ADCY3: variants seen among roughly 807,000 people sequenced by gnomAD.
ADCY3 encodes the protein adenylate cyclase 3.
A neutral mutation model predicts 119.4 loss-of-function variants in ADCY3; 70 were observed. That is an observed-to-expected ratio of 0.59 (90% CI 0.48 to 0.72). The LOEUF is 0.72. Ranked by LOEUF, ADCY3 falls within the 30% of genes least tolerant of loss-of-function variation. ADCY3 has a pLI of 0.00. For missense variants in ADCY3, 1,238 were observed against 1,541.6 expected, an observed-to-expected ratio of 0.80 and a Z score of 3.30; for synonymous variants, 672 against 621.4, an observed-to-expected ratio of 1.08 and a Z score of -1.21.
intron 3 of ADCY3, among the ~76,000 whole-genome samples, chr2:24,851,729 C>T (rs1438504998): frequency 6.6e-6 from 1 of 152,180 alleles, no homozygotes; most frequent in African/African-American, 2.4e-5. Context: ...TCCTTCTGCT[C>T]TTAAGGCTTA....
intron 3 of ADCY3, among the ~76,000 whole-genome samples, chr2:24,854,788 G>A (rs187952838): frequency 8.3e-4 from 127 of 152,198 alleles, no homozygotes; most frequent in African/African-American, 2.7e-3. Flanking sequence ...GGTGGATCAC[G>A]CCTGTAATCC....
At chr2:24,839,731 G>T in intron 7 of ADCY3, 142 bp downstream of exon 7, 1 of 1,238,264 alleles carries the variant, frequency 8.1e-7, no homozygotes, top group Non-Finnish European at 1.1e-6. Flanking sequence ...GGACCAGGGC[G>T]AGACAGGAGG....
At chr2:24,894,860 G>T (rs1234986635) in intron 2 of ADCY3, among the ~76,000 whole-genome samples, 1 of 151,930 alleles carries the variant, frequency 6.6e-6, no homozygotes, top group African/African-American at 2.4e-5. Context: ...CTTCATTTTT[G>T]AAGGATATTT....
intron 2 of ADCY3, among the ~76,000 whole-genome samples, chr2:24,880,287 G>A (rs1463010336): frequency 2.0e-5 from 3 of 152,204 alleles, no homozygotes; most frequent in Non-Finnish European, 4.4e-5. Context: ...CTCAGGTTGC[G>A]CACTGCCAGG....
chr2:24,841,439 G>A lies in ADCY3; in HGVS notation c.1069-53C>T. ...CCAGCCCCTCCTCAGTGAGGGAGGA[G>A]TGGCCAAGAAAGCAGAGGAAGGACA... On this transcript the variant is annotated intron_variant, in intron 5 of 21. Transcript: ENST00000679454. The surrounding 1 kb of genome is among the most constrained non-coding windows in gnomAD (Gnocchi z 5.8). 1.2e-6 allele frequency: 2 copies of A among 1,602,278 alleles called. No homozygotes were observed. Among genetic ancestry groups the A allele is most frequent in the Non-Finnish European group, 1.7e-6 (2 of 1,173,654 alleles).
chr2:24,838,904 T>G, intron 7 of ADCY3: 2 of 1,572,868 alleles, frequency 1.3e-6, no homozygotes, highest in Non-Finnish European at 1.7e-6. Flanking sequence ...TTCTTCAATC[T>G]TTGATCCGCT....
intron 2 of ADCY3, among the ~76,000 whole-genome samples, chr2:24,909,818 A>G (rs931445199): frequency 6.6e-6 from 1 of 152,150 alleles, no homozygotes; most frequent in Non-Finnish European, 1.5e-5. Flanking sequence ...CTATCAATTC[A>G]TTCCCTCCCT....
chr2:24,852,958 G>A (rs1382852808), intron 3 of ADCY3, among the ~76,000 whole-genome samples: 2 of 151,618 alleles, frequency 1.3e-5, no homozygotes, highest in Admixed American at 1.3e-4. Context: ...TGAGGTTTGA[G>A]AAGTCTCTCT....
chr2:24,861,345 G>A (rs886365572), intron 3 of ADCY3, among the ~76,000 whole-genome samples: 1 of 151,214 alleles, frequency 6.6e-6, no homozygotes, highest in African/African-American at 2.4e-5. Flanking sequence ...CCCCTTTTTT[G>A]CAGAGGGTAG....
chr2:24,852,052 C>T (rs756005553), intron 3 of ADCY3, among the ~76,000 whole-genome samples: 21 of 152,300 alleles, frequency 1.4e-4, no homozygotes, highest in Non-Finnish European at 1.6e-4. Context: ...GGACCCAGAC[C>T]GAAGCCCTGG....
intron 2 of ADCY3, among the ~76,000 whole-genome samples, chr2:24,906,563 C>G (rs1281882223): frequency 6.6e-6 from 1 of 152,232 alleles, no homozygotes; most frequent in African/African-American, 2.4e-5. Context: ...CAGGGTTGTC[C>G]ACAGTAGAAA....
rs1025520287 is a variant in ADCY3, at chr2:24,834,268, C to T, written c.1967+217G>A. Among the ~76,000 whole-genome samples the T allele has an allele frequency of 1.3e-5, 2 of 152,206 alleles. No individual in the cohort carries two copies. Among genetic ancestry groups the T allele is most frequent in the Admixed American group, 6.5e-5 (1 of 15,282 alleles). On this transcript the variant is annotated intron_variant, in intron 11 of 21. Transcript: ENST00000679454. This position sits in a 1 kb window ranked among gnomAD's most constrained non-coding sequence, Gnocchi z 4.2. ...TCCTGGCCAGATCCCCATTCTGACG[C>T]TAGGACTGCTCCAAAACGCGGGGCA...
Position 24,828,159 on chromosome 2 carries a change from G to A in ADCY3, c.2175C>T (p.Leu725=). The A allele has an allele frequency of 6.2e-7, 1 of 1,613,254 alleles. No individual in the cohort carries two copies. Among genetic ancestry groups the A allele is most frequent in the Non-Finnish European group, 8.5e-7 (1 of 1,179,608 alleles). Residue 725 remains leucine, a splice_region_variant and synonymous_variant, in exon 14 of 22, where the codon CTC becomes CTT. Transcript: ENST00000679454. ...GTCCCGTGTAGTACTGGAGACAGCT[G>A]AGCTGGAGGCCAGGACGGCGGGCAG... ...ILVMANVVDM[L]SCLQYYTGPS...
At chr2:24,852,745 G>A (rs774030437) in intron 3 of ADCY3, among the ~76,000 whole-genome samples, 1 of 152,238 alleles carries the variant, frequency 6.6e-6, no homozygotes, top group African/African-American at 2.4e-5. Flanking sequence ...AGCTGCCAAC[G>A]CCCGCGGAAA....
intron 3 of ADCY3, among the ~76,000 whole-genome samples, chr2:24,853,016 GT>G (rs1672548655): frequency 1.4e-4 from 3 of 21,926 alleles, no homozygotes; most frequent in Non-Finnish European, 2.6e-4. Context: ...GTGTGTGTGT[GT>G]GTGTGTGTGT....
intron 19 of ADCY3, 79 bp downstream of exon 19, chr2:24,822,432 T>G: frequency 6.4e-7 from 1 of 1,572,518 alleles, no homozygotes; most frequent in Non-Finnish European, 8.7e-7. Context: ...AGTTCTTATT[T>G]CCCCCATGCT....
intron 19 of ADCY3, 115 bp from the exon 20 acceptor site, chr2:24,821,755 C>G: frequency 6.9e-7 from 1 of 1,443,364 alleles, no homozygotes; most frequent in African/African-American, 1.4e-5. Flanking sequence ...ATGTTCAAGG[C>G]CTTACTTTTC....
chr2:24,829,815 G>A lies in ADCY3; in HGVS notation c.2172+894C>T, dbSNP rs142723281. Among the ~76,000 whole-genome samples, 223 of 151,586 alleles carry A rather than the reference G, an allele frequency of 1.5e-3. 3 individuals carry two copies. The highest frequency in any genetic ancestry group is 3.4e-3 in the Middle Eastern group (1 of 294). ...GGTACTACCACAATTAGAGGAGGCC[G>A]TGACAACTGACAAGAGAACACTGAT... On this transcript the variant is annotated intron_variant, in intron 13 of 21. Coordinates refer to ENST00000679454, the MANE Select transcript of ADCY3 (RefSeq NM_004036.5).
At chr2:24,866,510 G>A (rs958778981) in intron 3 of ADCY3, among the ~76,000 whole-genome samples, 6 of 119,912 alleles carry the variant, frequency 5.0e-5, no homozygotes, top group African/African-American at 1.6e-4. Context: ...CCAGGAACTC[G>A]AAGATGCATA....
Sources: gnomAD v4.1 joint callset for allele counts (sites outside exome capture counted in the v4.1 genomes callset) on GRCh38, gnomAD v4.1.1 for gene constraint, Gnocchi (gnomAD v3.1) non-coding constraint, MANE v1.5 for transcripts, NCBI Gene and HGNC (gene_info 2026-07-23, HGNC 2026-07-21) for gene names.